Variants in PCDHGA3 observed in about 807,000 individuals in gnomAD.
The protein encoded by PCDHGA3 is protocadherin gamma subfamily A, 3.
Under a neutral mutation model 58.5 loss-of-function variants are expected in PCDHGA3, and 40 were observed. That is an observed-to-expected ratio of 0.68 (90% CI 0.53 to 0.89). The LOEUF (loss-of-function observed/expected upper bound fraction) is 0.89, where lower values mean the gene tolerates loss of function less well. PCDHGA3 is among the 40% of genes least tolerant of loss of function. PCDHGA3 has a pLI of 0.00. For missense variants in PCDHGA3, 1,223 were observed against 1,195.9 expected, an observed-to-expected ratio of 1.02 and a Z score of -0.33; for synonymous variants, 530 against 525.7, an observed-to-expected ratio of 1.01 and a Z score of -0.11.
At position 141,356,613 on chromosome 5, in the gene PCDHGA3, C is replaced by T. The variant is rs756162558; in HGVS notation, c.2424+10156C>T. On this transcript the variant is annotated intron_variant, in intron 1 of 3. Transcript: ENST00000253812. ...AAAACAACCCCAGAGGAGCCTCCAT[C>T]TTATCTATGACTGCTCAAGACCCTG... is the stretch of plus-strand genomic sequence containing the variant. 5 of 1,614,220 alleles carry T rather than the reference C, an allele frequency of 3.1e-6. No homozygotes were observed. In the Admixed American group the frequency reaches 6.7e-5, roughly 22 times the overall value.
At chr5:141,404,265 T>G in intron 1 of PCDHGA3, 1 of 1,613,998 alleles carries the variant, frequency 6.2e-7, no homozygotes, top group Non-Finnish European at 8.5e-7. Context: ...GAAATTCACA[T>G]CACCCTGCAA....
intron 1 of PCDHGA3, among the ~76,000 whole-genome samples, chr5:141,469,449 C>A (rs1017174114): frequency 2.0e-5 from 3 of 151,846 alleles, no homozygotes; most frequent in African/African-American, 7.3e-5. Context: ...GTGGTGCACA[C>A]CTGTAGTCTC....
In PCDHGA3 at chr5:141,486,476, C is replaced by G. The variant is rs765887978; in HGVS notation, c.2425-8331C>G. The G allele has an allele frequency of 5.0e-6, 8 of 1,613,934 alleles. No homozygotes were observed. In the South Asian group the frequency reaches 7.7e-5, roughly 16 times the overall value. ...TGCTTCTGATGCTGGGAACCCTCCTCTCAGTACCCACAGAACTATTTTCCT... is the reference window on the plus strand; with the variant it reads ...TGCTTCTGATGCTGGGAACCCTCCTGTCAGTACCCACAGAACTATTTTCCT... On this transcript the variant is annotated intron_variant, in intron 1 of 3. Coordinates refer to ENST00000253812, the MANE Select transcript of PCDHGA3 (RefSeq NM_018916.4). The surrounding 1 kb of genome is among the most constrained non-coding windows in gnomAD (Gnocchi z 5.0).
At chr5:141,415,729 T>A in intron 1 of PCDHGA3, 1 of 1,442,780 alleles carries the variant, frequency 6.9e-7, no homozygotes, top group Non-Finnish European at 9.1e-7. Flanking sequence ...TAGAATTTGA[T>A]GTTTATTAAG....
chr5:141,419,165 A>G, intron 1 of PCDHGA3: 1 of 1,613,978 alleles, frequency 6.2e-7, no homozygotes, highest in Non-Finnish European at 8.5e-7. Flanking sequence ...ATCCTCCAGC[A>G]AAACCATAAC....
intron 2 of PCDHGA3, among the ~76,000 whole-genome samples, chr5:141,502,894 G>C (rs1342496006): frequency 6.8e-6 from 1 of 147,968 alleles, no homozygotes; most frequent in Non-Finnish European, 1.5e-5. Context: ...AGGGAGTCTA[G>C]CTCTGTTGCC....
intron 1 of PCDHGA3, chr5:141,373,940 C>T: frequency 1.4e-6 from 1 of 716,494 alleles, no homozygotes; most frequent in East Asian, 3.0e-5. Flanking sequence ...AGCAGGAAAG[C>T]TGTGCAGAAA....
chr5:141,374,769 T>C, intron 1 of PCDHGA3: 1 of 1,613,762 alleles, frequency 6.2e-7, no homozygotes. Context: ...GCCCAAATTC[T>C]GGTAACAGTT....
chr5:141,479,269 A>C (rs1279389471), intron 1 of PCDHGA3: 1 of 152,374 alleles, frequency 6.6e-6, no homozygotes, highest in Non-Finnish European at 1.5e-5. Context: ...TAAAAGTAAT[A>C]ATTTATTTCA....
At chr5:141,364,096 G>A in intron 1 of PCDHGA3, 1 of 400,034 alleles carries the variant, frequency 2.5e-6, no homozygotes, top group Non-Finnish European at 4.4e-6. Context: ...GGAATTTGAT[G>A]CAGTCACTGG....
chr5:141,396,790 C>G (rs2093435054), intron 1 of PCDHGA3, among the ~76,000 whole-genome samples: 2 of 152,128 alleles, frequency 1.3e-5, no homozygotes. Flanking sequence ...AGGACATTTC[C>G]TAAGGATTGT....
intron 1 of PCDHGA3, chr5:141,372,455 G>A: frequency 6.2e-7 from 1 of 1,614,060 alleles, no homozygotes; most frequent in South Asian, 1.1e-5. Flanking sequence ...CTCAGGCGGA[G>A]CTACAGTTTC....
intron 1 of PCDHGA3, chr5:141,366,238 C>A (rs376279746): frequency 1.8e-4 from 297 of 1,613,786 alleles, no homozygotes; most frequent in Non-Finnish European, 2.3e-4. Flanking sequence ...TGGACAGAGA[C>A]GCGCTCAAGC....
rs114918874 is a variant in PCDHGA3 at position 141,487,585 on chromosome 5, C to T, written c.2425-7222C>T. On this transcript the variant is annotated intron_variant, in intron 1 of 3. Transcript: ENST00000253812. This position sits in a 1 kb window ranked among gnomAD's most constrained non-coding sequence, Gnocchi z 5.0. Reference sequence around the variant, plus strand: ...CAGGGGAGCCTGTTCGCCCAAGCTGCCCACCCTCTGATCTTCTCTATGGGC... The same window carrying T: ...CAGGGGAGCCTGTTCGCCCAAGCTGTCCACCCTCTGATCTTCTCTATGGGC... 7,902 of 1,614,160 alleles carry T rather than the reference C, an allele frequency of 4.9e-3. 42 individuals are homozygous for T. The highest frequency in any genetic ancestry group is 8.8e-3 in the Admixed American group (531 of 60,020).
intron 1 of PCDHGA3, chr5:141,399,373 G>A: frequency 6.2e-7 from 1 of 1,613,982 alleles, no homozygotes; most frequent in Non-Finnish European, 8.5e-7. Flanking sequence ...GGAGTACAAT[G>A]TCACCATCAC....
chr5:141,356,286 G>C, intron 1 of PCDHGA3: 1 of 1,556,442 alleles, frequency 6.4e-7, no homozygotes, highest in Non-Finnish European at 8.7e-7. Context: ...CTTCTTCCCC[G>C]GGTACAGTAA....
intron 1 of PCDHGA3, among the ~76,000 whole-genome samples, chr5:141,451,090 A>G (rs2098706546): frequency 6.6e-6 from 1 of 151,864 alleles, no homozygotes; most frequent in Non-Finnish European, 1.5e-5. Context: ...GACCTCCCAA[A>G]GTGTTGGGAT....
chr5:141,427,626 C>T, intron 1 of PCDHGA3: 1 of 699,934 alleles, frequency 1.4e-6, no homozygotes, highest in Non-Finnish European at 2.6e-6. Flanking sequence ...CGACAATGCT[C>T]CGGTTTTCCA....
intron 1 of PCDHGA3, among the ~76,000 whole-genome samples, chr5:141,348,412 A>G (rs537874788): frequency 2.1e-4 from 32 of 152,370 alleles, no homozygotes; most frequent in African/African-American, 7.7e-4. Context: ...CAAAAGAAAA[A>G]GGCACGTAAC....
Sources: allele counts gnomAD v4.1 joint callset (sites outside exome capture counted in the v4.1 genomes callset), GRCh38; gene constraint gnomAD v4.1.1; non-coding constraint Gnocchi (gnomAD v3.1); transcripts MANE v1.5; gene names NCBI Gene and HGNC (gene_info 2026-07-23, HGNC 2026-07-21).